The following MTX2 variants were observed in gnomAD, a reference collection of about 807,000 sequenced individuals.
MTX2 encodes the protein metaxin 2, also known as metaxin-2.
MTX2 carries 35 observed loss-of-function variants against 42.3 expected under a neutral mutation model. The observed-to-expected ratio is 0.83, with a 90% CI of 0.63 to 1.10. MTX2 has a LOEUF of 1.10. Ranked by LOEUF, MTX2 falls within the 50% of genes least tolerant of loss-of-function variation. The pLI is 0.00. For synonymous variants in MTX2, 119 were observed against 100.9 expected (o/e 1.18, Z -1.08); for missense variants, 307 against 304.1 (o/e 1.01, Z -0.07).
intron 1 of MTX2, among the ~76,000 whole-genome samples, chr2:176,288,527 T>G (rs940096469): frequency 2.0e-5 from 3 of 151,754 alleles, no homozygotes; most frequent in Non-Finnish European, 4.4e-5. Context: ...AGGCTACCCA[T>G]GTTTCTTGCT....
intron 4 of MTX2, 145 bp downstream of exon 4, chr2:176,323,609 T>C (rs942361445): frequency 5.5e-5 from 39 of 712,476 alleles, no homozygotes; most frequent in Non-Finnish European, 8.2e-5. Context: ...AAAGTAACAA[T>C]TGCAAATTTG....
chr2:176,274,927 C>G (rs1376491723), intron 1 of MTX2, among the ~76,000 whole-genome samples: 5 of 152,176 alleles, frequency 3.3e-5, no homozygotes, highest in Non-Finnish European at 7.3e-5. Context: ...CCTCTCTTCT[C>G]TTCCCAACAC....
chr2:176,336,583 T>A (rs1302650408), intron 9 of MTX2, among the ~76,000 whole-genome samples: 2 of 152,198 alleles, frequency 1.3e-5, no homozygotes, highest in Non-Finnish European at 2.9e-5. Flanking sequence ...TTTTCTTGTT[T>A]TTATGTCTAG....
intron 8 of MTX2, among the ~76,000 whole-genome samples, chr2:176,330,208 C>T (rs989491081): frequency 4.6e-5 from 7 of 150,834 alleles, no homozygotes; most frequent in Admixed American, 4.0e-4. Context: ...TATGCAAAGC[C>T]ATTTGAATAT....
intron 3 of MTX2, among the ~76,000 whole-genome samples, chr2:176,304,846 T>G (rs924459979): frequency 2.0e-5 from 3 of 152,062 alleles, no homozygotes; most frequent in Non-Finnish European, 4.4e-5. Flanking sequence ...AGGTCTGCTG[T>G]CTAAGGATAG....
chr2:176,337,033 C>T (rs964185410), intron 9 of MTX2, among the ~76,000 whole-genome samples: 4 of 152,072 alleles, frequency 2.6e-5, no homozygotes, highest in East Asian at 1.9e-4. Context: ...TATGTACATC[C>T]GTATATTTTA....
At chr2:176,308,820 T>G (rs1002314600) in intron 3 of MTX2, among the ~76,000 whole-genome samples, 3 of 152,206 alleles carry the variant, frequency 2.0e-5, no homozygotes, top group Admixed American at 2.0e-4. Flanking sequence ...CTATCAATTT[T>G]GTTGATCTTT....
chr2:176,323,723 A>C (rs1684640071), intron 4 of MTX2, among the ~76,000 whole-genome samples: 1 of 151,766 alleles, frequency 6.6e-6, no homozygotes, highest in Non-Finnish European at 1.5e-5. Flanking sequence ...TAAATAGTAA[A>C]TGTTAAGGAA....
chr2:176,276,359 A>G (rs1181453398), intron 1 of MTX2, among the ~76,000 whole-genome samples: 1 of 152,188 alleles, frequency 6.6e-6, no homozygotes, highest in African/African-American at 2.4e-5. Flanking sequence ...GGTTATTGAT[A>G]ATAAGAGTAA....
intron 9 of MTX2, among the ~76,000 whole-genome samples, chr2:176,335,407 A>C (rs1358787548): frequency 6.6e-6 from 1 of 152,090 alleles, no homozygotes; most frequent in African/African-American, 2.4e-5. Flanking sequence ...ATTTTAGTAT[A>C]AGTAGAACAG....
intron 3 of MTX2, among the ~76,000 whole-genome samples, chr2:176,307,838 C>T (rs979185047): frequency 2.6e-5 from 4 of 152,150 alleles, no homozygotes; most frequent in African/African-American, 9.7e-5. Context: ...ATCATATCAT[C>T]TGCAAACAGG....
chr2:176,291,998 T>C (rs1307308236), intron 1 of MTX2, among the ~76,000 whole-genome samples: 2 of 152,166 alleles, frequency 1.3e-5, no homozygotes, highest in Non-Finnish European at 2.9e-5. Context: ...ATTTTGGTCT[T>C]TATTCCAAGA....
chr2:176,295,171 A>G (rs905656046), intron 1 of MTX2, among the ~76,000 whole-genome samples: 6 of 152,148 alleles, frequency 3.9e-5, no homozygotes, highest in Non-Finnish European at 7.4e-5. Flanking sequence ...CTTGATTTCA[A>G]TATTTATTCT....
chr2:176,337,544 C>A lies in MTX2; in HGVS notation c.672C>A (p.Thr224=), dbSNP rs148831038. The change falls in exon 10 of 10, where the codon ACC becomes ACA. Residue 224 remains threonine (T), a synonymous_variant. Coordinates refer to ENST00000249442, the MANE Select transcript of MTX2 (RefSeq NM_006554.5). ...LVFGHLYTIL[T]TQLTNDELSE... ...TTGGCCATCTATACACCATTCTTAC[C>A]ACACAATTGACAAATGATGAACTTT... 1 of 1,613,054 alleles carries A rather than the reference C, an allele frequency of 6.2e-7. No homozygotes were observed. The highest frequency in any genetic ancestry group is 1.1e-5 in the South Asian group (1 of 90,944).
chr2:176,295,679 CTG>C (rs541575449), intron 1 of MTX2, among the ~76,000 whole-genome samples: 99 of 152,174 alleles, frequency 6.5e-4, no homozygotes, highest in African/African-American at 2.0e-3. Flanking sequence ...TGTAATAATA[CTG>C]TGTTTTTCTT....
chr2:176,306,567 ATC>A (rs1019069621), intron 3 of MTX2, among the ~76,000 whole-genome samples: 24 of 152,190 alleles, frequency 1.6e-4, no homozygotes, highest in Admixed American at 1.4e-3. Context: ...CCTCTCCAGC[ATC>A]TGTTTTTTCC....
chr2:176,310,044 G>A (rs1467631978), intron 3 of MTX2, among the ~76,000 whole-genome samples: 1 of 152,060 alleles, frequency 6.6e-6, no homozygotes, highest in Non-Finnish European at 1.5e-5. Flanking sequence ...GGCTGGTACT[G>A]GTTGTTTTCT....
chr2:176,337,816 A>T lies in MTX2; in HGVS notation c.*152A>T. On this transcript the variant is annotated 3_prime_UTR_variant, in exon 10 of 10. Coordinates refer to ENST00000249442, the MANE Select transcript of MTX2 (RefSeq NM_006554.5). ...TCTTATGTATGTGCTTTATATTGTT[A>T]TTTGTGTATACATTAAAATAATTCT... 1.8e-6 allele frequency: 1 copy of T among 567,164 alleles called. No homozygotes were observed. The highest frequency in any genetic ancestry group is 4.5e-4 in the Middle Eastern group (1 of 2,228). 35.1% of individuals were successfully genotyped at this position (567,164 alleles called of 1,614,324 possible).
chr2:176,275,424 A>G (rs1460508920), intron 1 of MTX2, among the ~76,000 whole-genome samples: 1 of 151,942 alleles, frequency 6.6e-6, no homozygotes, highest in Non-Finnish European at 1.5e-5. Context: ...TTTTTAGTAG[A>G]GATGGGATTT....
Sources: allele counts gnomAD v4.1 joint callset (sites outside exome capture counted in the v4.1 genomes callset), GRCh38; gene constraint gnomAD v4.1.1; transcripts MANE v1.5; gene names NCBI Gene and HGNC (gene_info 2026-07-23, HGNC 2026-07-21).